Variants in GATAD2B observed in about 807,000 individuals in gnomAD.
GATAD2B encodes GATA zinc finger domain containing 2B, also known as transcriptional repressor p66-beta.
Under a neutral mutation model 64.3 loss-of-function variants are expected in GATAD2B, and 8 were observed. The ratio of observed to expected loss-of-function variants is 0.12; its 90% confidence interval spans 0.07 to 0.22. The LOEUF (loss-of-function observed/expected upper bound fraction) is 0.22, where lower values mean the gene tolerates loss of function less well. GATAD2B is among the 10% of genes least tolerant of loss of function. The pLI, the probability that GATAD2B is intolerant of heterozygous loss-of-function variation, is 1.00. For missense variants in GATAD2B, 453 were observed against 752.0 expected, an observed-to-expected ratio of 0.60 and a Z score of 4.65; for synonymous variants, 281 against 271.3, an observed-to-expected ratio of 1.04 and a Z score of -0.35.
intron 1 of GATAD2B, chr1:153,889,695 A>G (rs1347170015): frequency 1.1e-5 from 9 of 788,014 alleles, no homozygotes; most frequent in Non-Finnish European, 1.2e-5. Flanking sequence ...TTATTTTCAT[A>G]TGTTCTCTGT....
At chr1:153,890,182 A>G (rs1455390666) in intron 1 of GATAD2B, among the ~76,000 whole-genome samples, 2 of 149,790 alleles carry the variant, frequency 1.3e-5, no homozygotes, top group African/African-American at 2.5e-5. Context: ...CAAAAAAAAA[A>G]AAAAGAAAAA....
intron 9 of GATAD2B, 85 bp downstream of exon 9, chr1:153,811,937 G>GTA: frequency 3.2e-6 from 4 of 1,252,336 alleles, no homozygotes; most frequent in Non-Finnish European, 3.5e-6. Flanking sequence ...AGAAGACTAT[G>GTA]ATTTCCCACA....
intron 1 of GATAD2B, among the ~76,000 whole-genome samples, chr1:153,836,674 C>G (rs1675281413): frequency 6.6e-6 from 1 of 151,992 alleles, no homozygotes; most frequent in Non-Finnish European, 1.5e-5. Context: ...AGAGCAAGAC[C>G]CTGTCTCTTA....
intron 3 of GATAD2B, among the ~76,000 whole-genome samples, chr1:153,819,203 T>G (rs1674587987): frequency 6.6e-6 from 1 of 152,236 alleles, no homozygotes; most frequent in South Asian, 2.1e-4. Flanking sequence ...TTGTCTTCTT[T>G]TAAAATAATG....
chr1:153,862,118 C>CTTTTTTTTT (rs754580519), intron 1 of GATAD2B, among the ~76,000 whole-genome samples: 2 of 101,166 alleles, frequency 2.0e-5, no homozygotes, highest in African/African-American at 3.7e-5. Flanking sequence ...ACATTATATC[C>CTTTTTTTTT]TTTTTTTTTT....
At chr1:153,847,366 C>T (rs1226296216) in intron 1 of GATAD2B, among the ~76,000 whole-genome samples, 2 of 152,154 alleles carry the variant, frequency 1.3e-5, no homozygotes, top group Admixed American at 6.5e-5. Context: ...AAACTAGACA[C>T]ACTTCTGTAG....
intron 1 of GATAD2B, among the ~76,000 whole-genome samples, chr1:153,886,986 C>T (rs1404825564): frequency 6.6e-6 from 1 of 152,002 alleles, no homozygotes; most frequent in Non-Finnish European, 1.5e-5. Flanking sequence ...GCTGTTAGTC[C>T]TCTCCTACTT....
chr1:153,899,981 G>A (rs921888711), intron 1 of GATAD2B, among the ~76,000 whole-genome samples: 8 of 152,118 alleles, frequency 5.3e-5, no homozygotes, highest in Non-Finnish European at 8.8e-5. Flanking sequence ...CATAGCACAC[G>A]TATACACAAA....
At chr1:153,846,035 A>G (rs1453875506) in intron 1 of GATAD2B, among the ~76,000 whole-genome samples, 1 of 145,862 alleles carries the variant, frequency 6.9e-6, no homozygotes, top group African/African-American at 2.5e-5. Flanking sequence ...CTTTCTGGTT[A>G]ATATTTACCT....
At chr1:153,857,102 T>C (rs1379912385) in intron 1 of GATAD2B, among the ~76,000 whole-genome samples, 2 of 151,014 alleles carry the variant, frequency 1.3e-5, no homozygotes, top group Non-Finnish European at 2.9e-5. Context: ...TTATAATTCC[T>C]TATAAAGCAT....
chr1:153,878,648 G>A lies in GATAD2B; in HGVS notation c.-2+44085C>T, dbSNP rs116764615. On this transcript the variant is annotated intron_variant, in intron 1 of 10. Coordinates refer to ENST00000368655, the MANE Select transcript of GATAD2B (RefSeq NM_020699.4). ...AACCTGATAAAAACTCTTACTACAGGATTAACGAGTTTGAAAGTTCCCTCT... is the reference window on the plus strand; with the variant it reads ...AACCTGATAAAAACTCTTACTACAGAATTAACGAGTTTGAAAGTTCCCTCT... Among the ~76,000 whole-genome samples, 1,244 of 152,134 alleles carry A rather than the reference G, an allele frequency of 8.2e-3. 12 individuals are homozygous for A. The highest frequency in any genetic ancestry group is 0.029 in the African/African-American group (1,192 of 41,496).
chr1:153,915,325 C>T (rs1571011463), intron 1 of GATAD2B, among the ~76,000 whole-genome samples: 1 of 151,740 alleles, frequency 6.6e-6, no homozygotes, highest in Non-Finnish European at 1.5e-5. Flanking sequence ...CAGGAGGCTG[C>T]GGCAGGAGAA....
intron 10 of GATAD2B, among the ~76,000 whole-genome samples, chr1:153,810,948 A>G (rs1461853141): frequency 6.6e-6 from 1 of 151,934 alleles, no homozygotes; most frequent in African/African-American, 2.4e-5. Context: ...TATTTTCAGT[A>G]GAGATGGGGT....
At chr1:153,907,453 T>C (rs1445503378) in intron 1 of GATAD2B, among the ~76,000 whole-genome samples, 2 of 152,148 alleles carry the variant, frequency 1.3e-5, no homozygotes, top group African/African-American at 2.4e-5. Flanking sequence ...AGTAGTCAAA[T>C]TTATAGAAAC....
intron 1 of GATAD2B, among the ~76,000 whole-genome samples, chr1:153,857,221 G>A (rs540869501): frequency 2.6e-5 from 4 of 151,956 alleles, no homozygotes; most frequent in East Asian, 1.9e-4. Flanking sequence ...CAAGGCAGGC[G>A]GATCACCTGA....
chr1:153,861,976 G>A (rs909415929), intron 1 of GATAD2B, among the ~76,000 whole-genome samples: 3 of 150,078 alleles, frequency 2.0e-5, no homozygotes, highest in Non-Finnish European at 4.4e-5. Flanking sequence ...GCAACCTTGT[G>A]GCTAATATAC....
At chr1:153,828,470 A>ACG (rs1338280301) in intron 1 of GATAD2B, 122 bp from the exon 2 acceptor site, 2 of 628,656 alleles carry the variant, frequency 3.2e-6, no homozygotes, top group African/African-American at 3.7e-5. Flanking sequence ...ACACACACAC[A>ACG]CACACACACA....
chr1:153,911,736 CA>C (rs527520433), intron 1 of GATAD2B, among the ~76,000 whole-genome samples: 3 of 144,278 alleles, frequency 2.1e-5, no homozygotes, highest in East Asian at 5.1e-4. Context: ...AACTCCATCT[CA>C]AAAAAAAACA....
chr1:153,851,948 A>C (rs1315981052), intron 1 of GATAD2B, among the ~76,000 whole-genome samples: 5 of 152,210 alleles, frequency 3.3e-5, no homozygotes, highest in Non-Finnish European at 5.9e-5. Context: ...AGAAACTTTA[A>C]AGCTCTTAAT....
Sources: gnomAD v4.1 joint callset for allele counts (sites outside exome capture counted in the v4.1 genomes callset) on GRCh38, gnomAD v4.1.1 for gene constraint, MANE v1.5 for transcripts, NCBI Gene and HGNC (gene_info 2026-07-23, HGNC 2026-07-21) for gene names.